Variants in VAV2 observed in about 807,000 individuals in gnomAD.
VAV2 encodes guanine nucleotide exchange factor VAV2.
A neutral mutation model predicts 132.5 loss-of-function variants in VAV2; 67 were observed. The ratio of observed to expected loss-of-function variants is 0.51; its 90% CI spans 0.42 to 0.62. VAV2 has a LOEUF of 0.62. Among genes scored for constraint, VAV2 ranks in the 20% least tolerant of loss-of-function variants. The pLI, the probability that VAV2 is intolerant of heterozygous loss-of-function variation, is 0.00. For synonymous variants in VAV2, 492 were observed against 443.5 expected (o/e 1.11, Z -1.37); for missense variants, 938 against 1,153.6 (o/e 0.81, Z 2.71).
rs2131612801 is a variant in VAV2, at chr9:133,788,713, T to C, written c.1275-227A>G. The stretch of plus-strand genomic sequence containing the variant: ...GGCTCCCTACCCCCGTGACTGAGGC[T>C]GTGCCAGGAGCCCTTCAAGGGGCTC... On this transcript the variant is annotated intron_variant, in intron 14 of 29. Transcript: ENST00000371850. This position sits in a 1 kb window ranked among gnomAD's most constrained non-coding sequence, Gnocchi z 5.3. Among the ~76,000 whole-genome samples, 1 of 152,202 alleles carries C rather than the reference T, an allele frequency of 6.6e-6. No homozygotes were observed. Among genetic ancestry groups the C allele is most frequent in the African/African-American group, 2.4e-5 (1 of 41,532 alleles).
intron 2 of VAV2, among the ~76,000 whole-genome samples, chr9:133,886,137 G>C (rs1171901643): frequency 6.6e-6 from 1 of 152,164 alleles, no homozygotes; most frequent in Non-Finnish European, 1.5e-5. Context: ...GGCGGGGAGG[G>C]AAAGACAGGA....
chr9:133,871,001 TG>T, intron 2 of VAV2, among the ~76,000 whole-genome samples: 1 of 134,338 alleles, frequency 7.4e-6, no homozygotes. Context: ...GATGGATAAG[TG>T]GGTGGGTGGG....
chr9:133,936,724 A>T (rs529862169), intron 2 of VAV2, among the ~76,000 whole-genome samples: 1 of 152,266 alleles, frequency 6.6e-6, no homozygotes, highest in East Asian at 1.9e-4. Flanking sequence ...GGGGGTCTGC[A>T]CGGTGACATC....
rs1368326679 is a variant in VAV2 at position 133,933,949 on chromosome 9, ATGG to A, written c.321+5151_321+5153del. On this transcript the variant is annotated intron_variant, in intron 2 of 29. Coordinates refer to ENST00000371850, the MANE Select transcript of VAV2 (RefSeq NM_001134398.2). ...GGTGAATGGATGGATGGATGGATGG[ATGG>A]TGGATGGATGGATGAATGGATGGAA... is the stretch of plus-strand genomic sequence containing the variant. Among the ~76,000 whole-genome samples the A allele has an allele frequency of 3.6e-3, 24 of 6,712 alleles. 1 individual carries two copies. Among genetic ancestry groups the A allele is most frequent in the African/African-American group, 7.8e-3 (21 of 2,704 alleles). 4.4% of individuals were successfully genotyped at this position (6,712 alleles called of 152,430 possible). A position where few individuals can be genotyped will look rare whatever the true frequency, so the allele number is the denominator to read the frequency against.
chr9:133,821,562 C>T (rs867348897), intron 4 of VAV2, among the ~76,000 whole-genome samples: 12 of 152,284 alleles, frequency 7.9e-5, no homozygotes, highest in Middle Eastern at 3.4e-3. Flanking sequence ...CCCCAGAGGG[C>T]GAAAGGAGGG....
At chr9:133,950,240 G>A (rs1398765085) in intron 1 of VAV2, among the ~76,000 whole-genome samples, 1 of 152,212 alleles carries the variant, frequency 6.6e-6, no homozygotes, top group Non-Finnish European at 1.5e-5. Context: ...CACTCGAGAG[G>A]AAACCCAGCA....
chr9:133,869,071 G>A (rs1211429234), intron 2 of VAV2, among the ~76,000 whole-genome samples: 2 of 150,270 alleles, frequency 1.3e-5, no homozygotes, highest in East Asian at 1.9e-4. Context: ...ATCTCCGCCC[G>A]CTGCAACCTC....
rs1324672103 is a variant in VAV2, at chr9:133,912,808, C to T, written c.321+26295G>A. On this transcript the variant is annotated intron_variant, in intron 2 of 29. Transcript: ENST00000371850. This position sits in a 1 kb window ranked among gnomAD's most constrained non-coding sequence, Gnocchi z 4.3. ...TCTAAAATCACAATCGTCCTGTCCTCGTTCCGTCCCTCTAAAATCAGAGTC... is the reference window on the plus strand; with the variant it reads ...TCTAAAATCACAATCGTCCTGTCCTTGTTCCGTCCCTCTAAAATCAGAGTC... Among the ~76,000 whole-genome samples the T allele has an allele frequency of 2.0e-5, 3 of 152,196 alleles. No homozygotes were observed. Among genetic ancestry groups the T allele is most frequent in the East Asian group, 1.9e-4 (1 of 5,186 alleles).
chr9:133,764,475 A>G (rs1309015356), intron 29 of VAV2, among the ~76,000 whole-genome samples: 2 of 152,202 alleles, frequency 1.3e-5, no homozygotes, highest in Non-Finnish European at 2.9e-5. Flanking sequence ...GTAGAAATCA[A>G]CCCACAGGTA....
intron 2 of VAV2, among the ~76,000 whole-genome samples, chr9:133,929,159 C>T (rs1840586014): frequency 6.6e-6 from 1 of 152,170 alleles, no homozygotes; most frequent in African/African-American, 2.4e-5. Context: ...ACGGCCTGAT[C>T]CTCGGCATCA....
chr9:133,871,688 G>A (rs1296430480), intron 2 of VAV2, among the ~76,000 whole-genome samples: 1 of 152,106 alleles, frequency 6.6e-6, no homozygotes, highest in Non-Finnish European at 1.5e-5. Flanking sequence ...AATGGTGGGG[G>A]GTCCCAACCA....
chr9:133,870,034 CGG>C (rs1554795715), intron 2 of VAV2, among the ~76,000 whole-genome samples: 61 of 152,030 alleles, frequency 4.0e-4, no homozygotes, highest in African/African-American at 1.3e-3. Flanking sequence ...GTGGAAAGCA[CGG>C]ACAGAAAAAT....
chr9:133,806,058 C>T (rs1413342491), intron 9 of VAV2, 23 bp downstream of exon 9: 1 of 1,607,042 alleles, frequency 6.2e-7, no homozygotes, highest in East Asian at 2.2e-5. Context: ...GCCAAGGAGC[C>T]CCAGGAGCCG....
intron 17 of VAV2, among the ~76,000 whole-genome samples, chr9:133,784,675 C>T (rs1834147377): frequency 6.6e-6 from 1 of 152,208 alleles, no homozygotes; most frequent in South Asian, 2.1e-4. Flanking sequence ...GGACGGTGGT[C>T]TAAGGTCCTG....
In VAV2 at chr9:133,918,543, G is replaced by A. The variant is rs1175363493; in HGVS notation, c.321+20560C>T. Among the ~76,000 whole-genome samples, 2 of 148,984 alleles carry A rather than the reference G, an allele frequency of 1.3e-5. No individual in the cohort carries two copies. The highest frequency in any genetic ancestry group is 5.1e-5 in the African/African-American group (2 of 39,086). ...CCAGGACAGTGCCAAGTCCTTCACG[G>A]CAGCTCATTCGTTCCTGCCTCACAA... On this transcript the variant is annotated intron_variant, in intron 2 of 29. Transcript: ENST00000371850. The surrounding 1 kb of genome is among the most constrained non-coding windows in gnomAD (Gnocchi z 4.7).
At chr9:133,874,800 G>A (rs1374582286) in intron 2 of VAV2, among the ~76,000 whole-genome samples, 1 of 152,018 alleles carries the variant, frequency 6.6e-6, no homozygotes, top group Non-Finnish European at 1.5e-5. Context: ...TTCCCATGTG[G>A]GACCCTAGGA....
intron 2 of VAV2, among the ~76,000 whole-genome samples, chr9:133,902,054 C>A (rs1175472313): frequency 6.6e-6 from 1 of 151,660 alleles, no homozygotes; most frequent in Non-Finnish European, 1.5e-5. Context: ...GAACCTCCCA[C>A]CCCCACCTCT....
intron 2 of VAV2, among the ~76,000 whole-genome samples, chr9:133,894,002 G>GCCC (rs1839091976): frequency 6.6e-6 from 1 of 152,164 alleles, no homozygotes; most frequent in Non-Finnish European, 1.5e-5. Flanking sequence ...ACAGTAACGG[G>GCCC]CCCAAGGCCA....
Position 133,884,374 on chromosome 9 carries a change from C to T in VAV2, c.322-22942G>A, listed in dbSNP as rs1387748763. 6.6e-6 allele frequency among the ~76,000 whole-genome samples: 1 copy of T among 152,226 alleles called. No individual in the cohort carries two copies. The highest frequency in any genetic ancestry group is 1.5e-5 in the Non-Finnish European group (1 of 68,042). ...ACAACTCAAAGGACGCTCATCAAAGCAGTGCTTCCTTAGGCGCTTGGGTGC... is the reference window on the plus strand; with the variant it reads ...ACAACTCAAAGGACGCTCATCAAAGTAGTGCTTCCTTAGGCGCTTGGGTGC... On this transcript the variant is annotated intron_variant, in intron 2 of 29. Transcript: ENST00000371850. The surrounding 1 kb of genome is among the most constrained non-coding windows in gnomAD (Gnocchi z 5.3).
Sources: gnomAD v4.1 joint callset for allele counts (sites outside exome capture counted in the v4.1 genomes callset) on GRCh38, gnomAD v4.1.1 for gene constraint, Gnocchi (gnomAD v3.1) non-coding constraint, MANE v1.5 for transcripts, NCBI Gene and HGNC (gene_info 2026-07-23, HGNC 2026-07-21) for gene names.